The following EVI5L variants were observed in gnomAD, a reference collection of about 807,000 sequenced individuals.
EVI5L encodes the protein EVI5-like protein.
In EVI5L, 30 loss-of-function variants were observed where a neutral mutation model predicts 106.1. The observed-to-expected ratio is 0.28, with a 90% CI of 0.21 to 0.38. EVI5L has a LOEUF of 0.38. EVI5L is among the 10% of genes least tolerant of loss of function. The pLI, the probability that EVI5L is intolerant of heterozygous loss-of-function variation, is 1.00. For missense variants in EVI5L, 809 were observed against 1,098.0 expected (o/e 0.74, Z 3.72); for synonymous variants, 489 against 483.3 (o/e 1.01, Z -0.15).
At chr19:7,860,770 C>A (rs1333843429) in intron 14 of EVI5L, 81 bp downstream of exon 14, 1 of 1,424,656 alleles carries the variant, frequency 7.0e-7, no homozygotes, top group Non-Finnish European at 9.3e-7. Context: ...TGGGAGTGAC[C>A]CCAGGTCAGA....
chr19:7,856,142 C>A lies in EVI5L; in HGVS notation c.1200+74C>A, dbSNP rs376812270. The A allele has an allele frequency of 7.9e-7, 1 of 1,262,344 alleles. No individual in the cohort carries two copies. The highest frequency in any genetic ancestry group is 1.0e-6 in the Non-Finnish European group (1 of 977,252). The allele number at this position is 1,262,344 out of a possible 1,614,324, so 78.2% of individuals were successfully genotyped here. A position where few individuals can be genotyped will look rare whatever the true frequency, so the allele number is the denominator to read the frequency against. Reference sequence around the variant, plus strand: ...CACCATGCGGGGCATGGCCGCTAACCTGGGGTGGACTCCTCCAAGTCTTCT... The same window carrying A: ...CACCATGCGGGGCATGGCCGCTAACATGGGGTGGACTCCTCCAAGTCTTCT... On this transcript the variant is annotated intron_variant, in intron 11 of 19. Coordinates refer to ENST00000538904, the MANE Select transcript of EVI5L (RefSeq NM_001159944.3). This position sits in a 1 kb window ranked among gnomAD's most constrained non-coding sequence, Gnocchi z 6.6.
chr19:7,838,168 G>A (rs1352916703), intron 1 of EVI5L, among the ~76,000 whole-genome samples: 1 of 151,326 alleles, frequency 6.6e-6, no homozygotes, highest in Non-Finnish European at 1.5e-5. Flanking sequence ...GAGTGCAGTC[G>A]TGCAATCTCG....
intron 1 of EVI5L, among the ~76,000 whole-genome samples, chr19:7,836,776 A>C (rs1489995190): frequency 1.3e-5 from 2 of 151,614 alleles, no homozygotes; most frequent in African/African-American, 4.8e-5. Context: ...ATGCGCCACT[A>C]CACCTAGCTA....
At chr19:7,859,945 C>T (rs1979721024) in intron 13 of EVI5L, among the ~76,000 whole-genome samples, 1 of 152,206 alleles carries the variant, frequency 6.6e-6, no homozygotes, top group Non-Finnish European at 1.5e-5. Context: ...AACTGTCCTG[C>T]CAGGCCACAA....
intron 1 of EVI5L, among the ~76,000 whole-genome samples, chr19:7,841,101 T>C (rs1482789811): frequency 6.6e-6 from 1 of 152,190 alleles, no homozygotes; most frequent in African/African-American, 2.4e-5. Flanking sequence ...TTTCTTGGTC[T>C]CTGCCCCGGA....
At chr19:7,855,888 TG>T in intron 10 of EVI5L, 126 bp from the exon 11 acceptor site, 1 of 736,776 alleles carries the variant, frequency 1.4e-6, no homozygotes, top group Non-Finnish European at 1.9e-6. Context: ...CGTAAGATGC[TG>T]GCTGTGCCCT....
At chr19:7,854,077 T>C (rs536117639) in intron 10 of EVI5L, among the ~76,000 whole-genome samples, 36 of 151,628 alleles carry the variant, frequency 2.4e-4, no homozygotes, top group Non-Finnish European at 7.4e-5. Context: ...AGGTCAGGAG[T>C]TCGAGACCAG....
chr19:7,857,291 G>T lies in EVI5L; in HGVS notation c.1233+167G>T. On this transcript the variant is annotated intron_variant, in intron 12 of 19. Transcript: ENST00000538904. This position sits in a 1 kb window ranked among gnomAD's most constrained non-coding sequence, Gnocchi z 4.5. The stretch of plus-strand genomic sequence containing the variant: ...TGGGGGACACAGAGGCTTCCCGGGG[G>T]GGCGGGGCATGTGAAGTGGGGAGAA... 1 of 887,146 alleles carries T rather than the reference G, an allele frequency of 1.1e-6. No homozygotes were observed. The highest frequency in any genetic ancestry group is 1.8e-6 in the Non-Finnish European group (1 of 563,636). 55.0% of individuals were successfully genotyped at this position (887,146 alleles called of 1,614,324 possible).
Position 7,857,030 on chromosome 19 carries a change from T to G in EVI5L, c.1201-62T>G. The stretch of plus-strand genomic sequence containing the variant: ...TGGTTCTTGTCTGTCTCCCCTCTCC[T>G]GTCCCCGCGCCTTCCGCTCTGCCTC... On this transcript the variant is annotated intron_variant, in intron 11 of 19. Coordinates refer to ENST00000538904, the MANE Select transcript of EVI5L (RefSeq NM_001159944.3). This position sits in a 1 kb window ranked among gnomAD's most constrained non-coding sequence, Gnocchi z 4.5. 6.5e-7 allele frequency: 1 copy of G among 1,534,660 alleles called. No homozygotes were observed. Among genetic ancestry groups the G allele is most frequent in the Non-Finnish European group, 8.8e-7 (1 of 1,131,500 alleles).
At chr19:7,841,979 C>T (rs1978621331) in intron 1 of EVI5L, among the ~76,000 whole-genome samples, 2 of 152,192 alleles carry the variant, frequency 1.3e-5, no homozygotes, top group African/African-American at 4.8e-5. Flanking sequence ...GGGGTGAGCG[C>T]TGCTCGGTGC....
intron 1 of EVI5L, among the ~76,000 whole-genome samples, chr19:7,832,374 G>A (rs1047981417): frequency 3.3e-5 from 5 of 152,240 alleles, no homozygotes; most frequent in Non-Finnish European, 7.3e-5. Flanking sequence ...ACTGTGCTCA[G>A]AAACCCTGAG....
At chr19:7,833,856 C>T (rs981103359) in intron 1 of EVI5L, among the ~76,000 whole-genome samples, 2 of 152,192 alleles carry the variant, frequency 1.3e-5, no homozygotes, top group Non-Finnish European at 2.9e-5. Flanking sequence ...ATGCTAGCAG[C>T]CCGGGCAATA....
intron 10 of EVI5L, among the ~76,000 whole-genome samples, chr19:7,855,188 C>G (rs1979462765): frequency 6.7e-6 from 1 of 148,332 alleles, no homozygotes; most frequent in African/African-American, 2.5e-5. Flanking sequence ...GTGATCTCGG[C>G]TTACTGCAAC....
chr19:7,852,742 C>T (rs1002626278), intron 8 of EVI5L: 7 of 241,664 alleles, frequency 2.9e-5, no homozygotes, highest in Non-Finnish European at 5.7e-5. Context: ...GAAATGGGGT[C>T]TCACTATGTT....
intron 10 of EVI5L, among the ~76,000 whole-genome samples, chr19:7,854,788 A>G (rs1314887236): frequency 6.6e-6 from 1 of 152,210 alleles, no homozygotes. Context: ...CTGAGGGACT[A>G]GGGCAATGCC....
intron 2 of EVI5L, among the ~76,000 whole-genome samples, chr19:7,847,288 G>A (rs558376512): frequency 4.0e-4 from 60 of 150,646 alleles, no homozygotes; most frequent in Middle Eastern, 3.4e-3. Flanking sequence ...GCAAAACTCC[G>A]TCTCAAAAAA....
At chr19:7,860,530 G>C (rs1192818966) in intron 13 of EVI5L, 31 bp from the exon 14 acceptor site, 2 of 1,547,782 alleles carry the variant, frequency 1.3e-6, no homozygotes, top group East Asian at 2.4e-5. Flanking sequence ...GCCATGGCCT[G>C]GGGCCCCACG....
In EVI5L at chr19:7,864,757, C is replaced by T. The variant is rs1403740514; in HGVS notation, c.*1055C>T. On this transcript the variant is annotated 3_prime_UTR_variant, in exon 20 of 20. Coordinates refer to ENST00000538904, the MANE Select transcript of EVI5L (RefSeq NM_001159944.3). The surrounding 1 kb of genome is among the most constrained non-coding windows in gnomAD (Gnocchi z 4.5). ...GCTCCCGGAGCCTCCAGTAGAGTAG[C>T]GTCACAAGCAATCTCCCTGGCGCTT... 2 of 152,226 alleles carry T rather than the reference C, an allele frequency of 1.3e-5. No individual in the cohort carries two copies. The highest frequency in any genetic ancestry group is 2.4e-5 in the African/African-American group (1 of 41,374). The allele number at this position is 152,226 out of a possible 1,614,324, so 9.4% of individuals were successfully genotyped here. A position where few individuals can be genotyped will look rare whatever the true frequency, so the allele number is the denominator to read the frequency against.
rs1340823165 is a variant in EVI5L at position 7,845,759 on chromosome 19, C to G, written c.-47-737C>G. On this transcript the variant is annotated intron_variant, in intron 1 of 19. Transcript: ENST00000538904. The surrounding 1 kb of genome is among the most constrained non-coding windows in gnomAD (Gnocchi z 4.0). ...CTTGAAGCCCCCAGAAGGGTCGGGCCAGATGACACGGCAAAAAGATAGGAG... is the reference window on the plus strand; with the variant it reads ...CTTGAAGCCCCCAGAAGGGTCGGGCGAGATGACACGGCAAAAAGATAGGAG... Among the ~76,000 whole-genome samples, 2 of 152,158 alleles carry G rather than the reference C, an allele frequency of 1.3e-5. No individual in the cohort carries two copies. Among genetic ancestry groups the G allele is most frequent in the Non-Finnish European group, 2.9e-5 (2 of 68,012 alleles).
Sources: gnomAD v4.1 joint callset for allele counts (sites outside exome capture counted in the v4.1 genomes callset) on GRCh38, gnomAD v4.1.1 for gene constraint, Gnocchi (gnomAD v3.1) non-coding constraint, MANE v1.5 for transcripts, NCBI Gene and HGNC (gene_info 2026-07-23, HGNC 2026-07-21) for gene names.